The following WASF3 variants were observed in gnomAD, a reference collection of about 807,000 sequenced individuals.
WASF3 encodes WASP family member 3.
WASF3 carries 11 observed loss-of-function variants against 46.6 expected under a neutral mutation model. The ratio of observed to expected loss-of-function variants is 0.24; its 90% CI spans 0.15 to 0.39. WASF3 has a LOEUF of 0.39. WASF3 is among the 10% of genes least tolerant of loss of function. WASF3 has a pLI of 1.00. For missense variants in WASF3, 576 were observed against 669.8 expected (o/e 0.86, Z 1.55); for synonymous variants, 242 against 259.7 (o/e 0.93, Z 0.65).
At chr13:26,619,474 C>A (rs1017398665) in intron 2 of WASF3, 52 of 152,200 alleles carry the variant, frequency 3.4e-4, no homozygotes, top group African/African-American at 1.2e-3. Context: ...CGTACTGAAT[C>A]ATGGTCTGCA....
chr13:26,613,731 C>T (rs781398569), intron 2 of WASF3, among the ~76,000 whole-genome samples: 3 of 152,160 alleles, frequency 2.0e-5, no homozygotes, highest in Non-Finnish European at 4.4e-5. Flanking sequence ...GATCGTGCCA[C>T]TGCACTCCAG....
At chr13:26,643,577 A>C (rs1345858884) in intron 3 of WASF3, among the ~76,000 whole-genome samples, 3 of 152,266 alleles carry the variant, frequency 2.0e-5, no homozygotes, top group Non-Finnish European at 4.4e-5. Flanking sequence ...AAAAATATAC[A>C]AATTCACATA....
At chr13:26,646,814 C>G (rs954116686) in intron 3 of WASF3, among the ~76,000 whole-genome samples, 1 of 152,200 alleles carries the variant, frequency 6.6e-6, no homozygotes, top group Non-Finnish European at 1.5e-5. Context: ...CAGACCAGGA[C>G]TCCACAGGGA....
chr13:26,688,332 T>G lies in WASF3; in HGVS notation c.*2487T>G, dbSNP rs1376811300. Reference sequence around the variant, plus strand: ...AAAGCACATTTCATTTCTCCAAACTTTGTGTTTTAAATTATAGTTATAAAT... The same window carrying G: ...AAAGCACATTTCATTTCTCCAAACTGTGTGTTTTAAATTATAGTTATAAAT... On this transcript the variant is annotated 3_prime_UTR_variant, in exon 10 of 10. Coordinates refer to ENST00000335327, the MANE Select transcript of WASF3 (RefSeq NM_006646.6). 1 of 152,220 alleles carries G rather than the reference T, an allele frequency of 6.6e-6. No individual in the cohort carries two copies. Among genetic ancestry groups the G allele is most frequent in the Non-Finnish European group, 1.5e-5 (1 of 68,032 alleles). The allele number at this position is 152,220 out of a possible 1,614,324, so 9.4% of individuals were successfully genotyped here. A position where few individuals can be genotyped will look rare whatever the true frequency, so the allele number is the denominator to read the frequency against.
intron 2 of WASF3, among the ~76,000 whole-genome samples, chr13:26,613,932 A>G (rs1881056352): frequency 6.6e-6 from 1 of 152,212 alleles, no homozygotes; most frequent in South Asian, 2.1e-4. Context: ...TTGAGGAGCA[A>G]TGAGACATAG....
chr13:26,659,264 C>T (rs751154243), intron 3 of WASF3, among the ~76,000 whole-genome samples: 3 of 151,996 alleles, frequency 2.0e-5, no homozygotes, highest in African/African-American at 4.8e-5. Context: ...GTGGTCTACG[C>T]AGAAGGAACT....
chr13:26,627,513 A>G (rs1881504880), intron 2 of WASF3, among the ~76,000 whole-genome samples: 1 of 152,118 alleles, frequency 6.6e-6, no homozygotes, highest in Non-Finnish European at 1.5e-5. Context: ...CAAAGTTTAT[A>G]TGTGTCACTG....
intron 3 of WASF3, among the ~76,000 whole-genome samples, chr13:26,660,194 G>GTTTTTTTTTTTTTTTTTTTTTTTT (rs71080285): frequency 6.9e-5 from 3 of 43,362 alleles, no homozygotes; most frequent in Admixed American, 3.8e-4. Context: ...TTTTTGTTTG[G>GTTTTTTTTTTTTTTTTTTTTTTTT]TTTTTTTTTT....
chr13:26,611,356 C>T (rs754001738), intron 1 of WASF3, among the ~76,000 whole-genome samples: 1 of 152,054 alleles, frequency 6.6e-6, no homozygotes, highest in Non-Finnish European at 1.5e-5. Flanking sequence ...AAACATTTAC[C>T]AGTAATAGCT....
the WASF3 span, among the ~76,000 whole-genome samples, chr13:26,542,651 C>T: frequency 6.6e-6 from 1 of 152,182 alleles, no homozygotes; most frequent in South Asian, 2.1e-4. Flanking sequence ...AAGTATTGAG[C>T]ACCTATTCAC....
chr13:26,680,337 C>A, intron 7 of WASF3: 2 of 1,066,662 alleles, frequency 1.9e-6, no homozygotes, highest in East Asian at 2.8e-5. Context: ...TACTAACGCC[C>A]ACGGCACTGC....
At chr13:26,569,089 TGG>T (rs1879557485) in intron 1 of WASF3, among the ~76,000 whole-genome samples, 1 of 152,156 alleles carries the variant, frequency 6.6e-6, no homozygotes, top group African/African-American at 2.4e-5. Context: ...TTTTCTATAA[TGG>T]GGTGTCTAGA....
At chr13:26,645,378 T>A (rs550933501) in intron 3 of WASF3, among the ~76,000 whole-genome samples, 1 of 152,294 alleles carries the variant, frequency 6.6e-6, no homozygotes, top group South Asian at 2.1e-4. Context: ...GAGAAATAAA[T>A]TTCTATTGTT....
At position 26,642,389 on chromosome 13, in the gene WASF3, A is replaced by G; in HGVS notation, c.119A>G (p.Gln40Arg). ...AGTACTCTTGCCGCTATCATACGCCAGCTGAGCAGTCTGAGTAAGCCATCT... is the reference window on the plus strand; with the variant it reads ...AGTACTCTTGCCGCTATCATACGCCGGCTGAGCAGTCTGAGTAAGCCATCT... ...TNSTLAAIIR[Q>R]LSSLSKHAED... The change falls in exon 3 of 10, where the codon CAG becomes CGG. Residue 40 changes from glutamine (Q) to arginine (R), a missense_variant. This residue lies in a region of WASF3 where 213 missense variants were observed against 278.0 expected (regional missense o/e 0.77). Coordinates refer to ENST00000335327, the MANE Select transcript of WASF3 (RefSeq NM_006646.6). 1.3e-6 allele frequency: 2 copies of G among 1,598,268 alleles called. No homozygotes were observed. The highest frequency in any genetic ancestry group is 1.7e-6 in the Non-Finnish European group (2 of 1,174,838).
intron 1 of WASF3, among the ~76,000 whole-genome samples, chr13:26,564,500 A>G (rs1593367621): frequency 6.6e-6 from 1 of 152,160 alleles, no homozygotes; most frequent in African/African-American, 2.4e-5. Context: ...AAGTTCCTCT[A>G]GTGCATGCTG....
chr13:26,612,677 AG>A (rs1881013876), intron 1 of WASF3, among the ~76,000 whole-genome samples: 1 of 152,230 alleles, frequency 6.6e-6, no homozygotes. Context: ...TGAGCAGTTC[AG>A]TTGAATACAC....
At chr13:26,615,566 C>T (rs1451574120) in intron 2 of WASF3, among the ~76,000 whole-genome samples, 2 of 152,174 alleles carry the variant, frequency 1.3e-5, no homozygotes, top group East Asian at 1.9e-4. Context: ...CTCTGCCTCC[C>T]GAAGTGCTGG....
upstream of WASF3, among the ~76,000 whole-genome samples, chr13:26,555,793 A>T (rs1460398922): frequency 1.3e-5 from 2 of 151,998 alleles, no homozygotes; most frequent in Non-Finnish European, 2.9e-5. Context: ...GATAAGAAGC[A>T]CTCCTATTTA....
chr13:26,557,957 G>C (rs1181857245), intron 1 of WASF3, 138 bp downstream of exon 1: 2 of 244,510 alleles, frequency 8.2e-6, no homozygotes, highest in East Asian at 7.5e-5. Flanking sequence ...CTCCGGCCGG[G>C]CGGCGGGGCC....
Sources: allele counts gnomAD v4.1 joint callset (sites outside exome capture counted in the v4.1 genomes callset), GRCh38; gene constraint gnomAD v4.1.1; regional missense constraint gnomAD v4.1.1; transcripts MANE v1.5; gene names NCBI Gene and HGNC (gene_info 2026-07-23, HGNC 2026-07-21).